The following VSIG10 variants were observed in gnomAD, a reference collection of about 807,000 sequenced individuals.
The protein encoded by VSIG10 is V-set and immunoglobulin domain-containing protein 10.
In VSIG10, 48 loss-of-function variants were observed where a neutral mutation model predicts 58.7. The ratio of observed to expected loss-of-function variants is 0.82; its 90% CI spans 0.65 to 1.04. VSIG10 has a LOEUF of 1.04. VSIG10 is among the 50% of genes least tolerant of loss of function. VSIG10 has a pLI of 0.00. For missense variants in VSIG10, 628 were observed against 670.0 expected, an observed-to-expected ratio of 0.94 and a Z score of 0.69; for synonymous variants, 260 against 267.1, an observed-to-expected ratio of 0.97 and a Z score of 0.26.
At chr12:118,067,464 CTTT>C (rs34148920) in intron 8 of VSIG10, among the ~76,000 whole-genome samples, 4 of 127,772 alleles carry the variant, frequency 3.1e-5, no homozygotes, top group Non-Finnish European at 4.9e-5. Flanking sequence ...CTAAACTGGC[CTTT>C]TTTTTTTTTT....
chr12:118,073,755 C>G lies in VSIG10; in HGVS notation c.1163G>C (p.Cys388Ser). The G allele has an allele frequency of 6.2e-7, 1 of 1,613,920 alleles. No homozygotes were observed. The highest frequency in any genetic ancestry group is 8.5e-7 in the Non-Finnish European group (1 of 1,179,870). ...CACCCCTACAGGGCTGTCAGCTCGG[C>G]AGATGTAGTAGCCCTCATCCAGGTC... Reference protein sequence around the residue: ...SQDLDEGYYICRADSPVGVRE... With the variant: ...SQDLDEGYYISRADSPVGVRE... The change falls in exon 5 of 9, where the codon TGC becomes TCC. Residue 388 changes from cysteine (C) to serine (S), a missense_variant. Transcript: ENST00000359236.
intron 8 of VSIG10, 87 bp downstream of exon 8, chr12:118,068,290 C>G (rs145022371): frequency 0.012 from 17,281 of 1,403,278 alleles, 150 homozygotes; most frequent in Non-Finnish European, 0.013. Flanking sequence ...CCACCTTGGC[C>G]TCCCAAAGTG....
Position 118,079,572 on chromosome 12 carries a change from C to T in VSIG10, c.699G>A (p.Gln233=), listed in dbSNP as rs778385189. ...GCAACATGAACGATCCTGATGCCAT[C>T]TGTGCCCAGCACTGGGGAGCTGATG... ...PPPSAPQCWA[Q]MASGSFMLQL... Residue 233 remains glutamine, a synonymous_variant, in exon 4 of 9, where the codon CAG becomes CAA. Coordinates refer to ENST00000359236, the MANE Select transcript of VSIG10 (RefSeq NM_019086.6). 7.4e-6 allele frequency: 12 copies of T among 1,614,068 alleles called. No individual in the cohort carries two copies. The South Asian group carries it at 1.2e-4, about 16-fold the overall frequency.
intron 7 of VSIG10, among the ~76,000 whole-genome samples, chr12:118,070,297 C>T (rs1000453377): frequency 4.6e-5 from 7 of 152,178 alleles, no homozygotes; most frequent in South Asian, 2.1e-4. Context: ...CCTGTAATCC[C>T]GGCACTTTGG....
At chr12:118,069,961 T>A (rs2032420076) in intron 7 of VSIG10, among the ~76,000 whole-genome samples, 1 of 152,150 alleles carries the variant, frequency 6.6e-6, no homozygotes. Flanking sequence ...ACCACACTGA[T>A]GCCTCCAGTG....
At chr12:118,084,497 G>T (rs908115698) in intron 2 of VSIG10, among the ~76,000 whole-genome samples, 1 of 152,134 alleles carries the variant, frequency 6.6e-6, no homozygotes, top group Admixed American at 6.6e-5. Flanking sequence ...ATCAACAACC[G>T]ACTTTCTCTT....
intron 2 of VSIG10, among the ~76,000 whole-genome samples, chr12:118,089,123 A>G (rs978635640): frequency 6.6e-6 from 1 of 151,772 alleles, no homozygotes; most frequent in Non-Finnish European, 1.5e-5. Context: ...TAAGTTTTGT[A>G]TTTTTAGTAG....
At chr12:118,099,937 C>T (rs976217362) in intron 1 of VSIG10, among the ~76,000 whole-genome samples, 4 of 152,144 alleles carry the variant, frequency 2.6e-5, no homozygotes, top group Admixed American at 1.3e-4. Context: ...ACTTTTCAGC[C>T]AAGTCAGGAT....
In VSIG10 at chr12:118,073,841, G is replaced by A. The variant is rs2137858889; in HGVS notation, c.1077C>T (p.Ser359=). 6.2e-7 allele frequency: 1 copy of A among 1,613,924 alleles called. No homozygotes were observed. Among genetic ancestry groups the A allele is most frequent in the South Asian group, 1.1e-5 (1 of 91,078 alleles). The change falls in exon 5 of 9, where the codon AGC becomes AGT. Residue 359 remains serine (S), a synonymous_variant. Transcript: ENST00000359236. ...GGCCATCCTGGGTAATGAGATGGCG[G>A]CTGCTAGGCTGGATGATCACCTCGG... ...TQPEVIIQPS[S]RHLITQDGQN...
In VSIG10 at chr12:118,063,745, C is replaced by T. The variant is rs761904232; in HGVS notation, c.*2894G>A. ...TCTTTGCAGCAGTTCCTGGCCAGTC[C>T]CAACGTGAGAAATATCAGTTGGCAC... On this transcript the variant is annotated 3_prime_UTR_variant, in exon 9 of 9. Transcript: ENST00000359236. The T allele has an allele frequency of 3.3e-5, 5 of 152,122 alleles. No individual in the cohort carries two copies. Among genetic ancestry groups the T allele is most frequent in the Non-Finnish European group, 5.9e-5 (4 of 68,030 alleles). The allele number at this position is 152,122 out of a possible 1,614,324, so 9.4% of individuals were successfully genotyped here.
chr12:118,069,420 TTCTTC>T (rs2032390572), intron 7 of VSIG10, among the ~76,000 whole-genome samples: 3 of 116,610 alleles, frequency 2.6e-5, no homozygotes, highest in South Asian at 2.8e-4. Flanking sequence ...CTTCTTCTTC[TTCTTC>T]TTTTTTTTTT....
rs147927248 is a variant in VSIG10, at chr12:118,078,088, C to T, written c.925+1258G>A. ...TTGATCCTCAGTGTTGGAGGTAAGG[C>T]CTAATGGAAGGTGTTTGGGTAAGTG... On this transcript the variant is annotated intron_variant, in intron 4 of 8. Transcript: ENST00000359236. Among the ~76,000 whole-genome samples the T allele has an allele frequency of 5.0e-3, 757 of 152,272 alleles. 12 individuals carry two copies. Among genetic ancestry groups the T allele is most frequent in the African/African-American group, 0.017 (726 of 41,562 alleles).
chr12:118,094,973 G>A (rs377723179), intron 2 of VSIG10, among the ~76,000 whole-genome samples: 1 of 149,480 alleles, frequency 6.7e-6, no homozygotes, highest in South Asian at 2.1e-4. Flanking sequence ...GCGCAATCTT[G>A]GCTCACTGCA....
chr12:118,084,601 C>A (rs1228359879), intron 2 of VSIG10, among the ~76,000 whole-genome samples: 1 of 152,146 alleles, frequency 6.6e-6, no homozygotes, highest in East Asian at 1.9e-4. Context: ...CTTGGCAGGC[C>A]AGGCACGGTG....
rs1237408135 is a variant in VSIG10, at chr12:118,073,732, C to T, written c.1186G>A (p.Val396Met). Residue 396 changes from valine to methionine, a missense_variant, in exon 5 of 9, where the codon GTG becomes ATG. By Grantham distance (21) the Val-to-Met change is conservative. Coordinates refer to ENST00000359236, the MANE Select transcript of VSIG10 (RefSeq NM_019086.6). ...CTCAGCCAGATTTCCATCTCCCTCA[C>T]CCCTACAGGGCTGTCAGCTCGGCAG... is the stretch of plus-strand genomic sequence containing the variant. ...YICRADSPVG[V>M]REMEIWLSVK... 1 of 1,613,518 alleles carries T rather than the reference C, an allele frequency of 6.2e-7. No individual in the cohort carries two copies. The highest frequency in any genetic ancestry group is 1.3e-5 in the African/African-American group (1 of 74,924).
rs776469682 is a variant in VSIG10, at chr12:118,066,632, C to G, written c.*7G>C. 5 of 1,613,756 alleles carry G rather than the reference C, an allele frequency of 3.1e-6. No individual in the cohort carries two copies. Among genetic ancestry groups the G allele is most frequent in the Non-Finnish European group, 4.2e-6 (5 of 1,179,802 alleles). ...CAGAGCAAGACAACCATGGACCATC[C>G]TCTTCTTCAGACTGGCCTGTCTTCT... On this transcript the variant is annotated 3_prime_UTR_variant, in exon 9 of 9. Transcript: ENST00000359236.
At chr12:118,074,954 C>T (rs112546998) in intron 4 of VSIG10, among the ~76,000 whole-genome samples, 3 of 151,988 alleles carry the variant, frequency 2.0e-5, no homozygotes, top group African/African-American at 4.8e-5. Flanking sequence ...AGATCACATT[C>T]GCATACCTTT....
intron 2 of VSIG10, among the ~76,000 whole-genome samples, chr12:118,091,522 C>T (rs1183357214): frequency 1.3e-5 from 2 of 151,140 alleles, no homozygotes; most frequent in Admixed American, 1.3e-4. Flanking sequence ...TCAGAAAAAT[C>T]ACATTAATTT....
chr12:118,077,432 C>A (rs1352694599), intron 4 of VSIG10, among the ~76,000 whole-genome samples: 1 of 152,030 alleles, frequency 6.6e-6, no homozygotes, highest in African/African-American at 2.4e-5. Context: ...CATATCTGGA[C>A]CTATCTTACT....
Sources: allele counts gnomAD v4.1 joint callset (sites outside exome capture counted in the v4.1 genomes callset), GRCh38; gene constraint gnomAD v4.1.1; transcripts MANE v1.5; gene names NCBI Gene and HGNC (gene_info 2026-07-23, HGNC 2026-07-21).